The following PHACTR4 variants were observed in gnomAD, a reference collection of about 807,000 sequenced individuals.
The protein encoded by PHACTR4 is phosphatase and actin regulator 4, also known as protein phosphatase 1, regulatory subunit 124.
In PHACTR4, 51 loss-of-function variants were observed where a neutral mutation model predicts 72.7. The ratio of observed to expected loss-of-function variants is 0.70; its 90% CI spans 0.56 to 0.89. PHACTR4 has a LOEUF of 0.89. PHACTR4 is among the 40% of genes least tolerant of loss of function. The pLI, the probability that PHACTR4 is intolerant of heterozygous loss-of-function variation, is 0.00. For synonymous variants in PHACTR4, 255 were observed against 302.5 expected (o/e 0.84, Z 1.63); for missense variants, 731 against 861.8 (o/e 0.85, Z 1.90).
chr1:28,407,385 A>G, intron 1 of PHACTR4, 25 bp from the exon 2 acceptor site: 4 of 1,320,040 alleles, frequency 3.0e-6, no homozygotes, highest in Non-Finnish European at 4.3e-6. Context: ...TATTAAGTGT[A>G]TCATTTACCT....
intron 6 of PHACTR4, among the ~76,000 whole-genome samples, chr1:28,471,247 G>A (rs914913280): frequency 8.5e-5 from 13 of 152,070 alleles, no homozygotes; most frequent in Admixed American, 3.9e-4. Flanking sequence ...TACTCAGGAG[G>A]CTGAGGTAGG....
intron 2 of PHACTR4, among the ~76,000 whole-genome samples, chr1:28,435,532 T>C (rs1656578196): frequency 6.6e-6 from 1 of 152,246 alleles, no homozygotes; most frequent in Non-Finnish European, 1.5e-5. Context: ...CCTAAAGTGC[T>C]GGGATTATAG....
intron 2 of PHACTR4, among the ~76,000 whole-genome samples, chr1:28,423,446 A>G (rs1655639453): frequency 1.3e-5 from 2 of 151,900 alleles, no homozygotes; most frequent in Admixed American, 6.6e-5. Flanking sequence ...TAAATAAATG[A>G]GTAAATAAAT....
At chr1:28,426,307 C>T (rs1340799319) in intron 2 of PHACTR4, among the ~76,000 whole-genome samples, 1 of 151,970 alleles carries the variant, frequency 6.6e-6, no homozygotes, top group Non-Finnish European at 1.5e-5. Context: ...ATTTCTTCAG[C>T]GCATACTACC....
At position 28,493,042 on chromosome 1, in the gene PHACTR4, T is replaced by C; in HGVS notation, c.2044T>C (p.Phe682Leu). 6.2e-7 allele frequency: 1 copy of C among 1,613,524 alleles called. No homozygotes were observed. The highest frequency in any genetic ancestry group is 1.7e-4 in the Middle Eastern group (1 of 6,058). The change falls in exon 13 of 14, where the codon TTT becomes CTT. Residue 682 changes from phenylalanine to leucine, a missense_variant. Transcript: ENST00000373839. ...TGCCATAAGAAAAGAATTAAATGAA[T>C]TTAAAAGCTCCGAGATGGAGGTTCA... ...KAAIRKELNE[F>L]KSSEMEVHEE...
chr1:28,402,083 G>C (rs951606714), intron 1 of PHACTR4, among the ~76,000 whole-genome samples: 7 of 152,100 alleles, frequency 4.6e-5, no homozygotes, highest in African/African-American at 1.7e-4. Flanking sequence ...AATAAGACTT[G>C]GTAATGATTT....
chr1:28,489,846 G>A lies in PHACTR4; in HGVS notation c.1816+621G>A, dbSNP rs780241584. 2.7e-5 allele frequency: 14 copies of A among 518,968 alleles called. 1 individual carries two copies. In the Admixed American group the frequency reaches 2.7e-4, roughly 10 times the overall value. The allele number at this position is 518,968 out of a possible 1,614,324, so 32.1% of individuals were successfully genotyped here. A position where few individuals can be genotyped will look rare whatever the true frequency, so the allele number is the denominator to read the frequency against. Reference sequence around the variant, plus strand: ...TGGGCTTCCTTGGGGCTATTTGTGAGCATGTTCAGTCTGACCAATCCATCC... The same window carrying A: ...TGGGCTTCCTTGGGGCTATTTGTGAACATGTTCAGTCTGACCAATCCATCC... On this transcript the variant is annotated intron_variant, in intron 10 of 13. Transcript: ENST00000373839.
chr1:28,495,442 A>T (rs1421211831), intron 13 of PHACTR4, among the ~76,000 whole-genome samples: 1 of 152,008 alleles, frequency 6.6e-6, no homozygotes, highest in Non-Finnish European at 1.5e-5. Context: ...GCAGACAATG[A>T]ACAAGCTAGA....
Position 28,489,291 on chromosome 1 carries a change from T to C in PHACTR4, c.1816+66T>C. 5 of 1,386,850 alleles carry C rather than the reference T, an allele frequency of 3.6e-6. 1 individual carries two copies. The South Asian group carries it at 5.0e-5, about 14-fold the overall frequency. 85.9% of individuals were successfully genotyped at this position (1,386,850 alleles called of 1,614,324 possible). A position where few individuals can be genotyped will look rare whatever the true frequency, so the allele number is the denominator to read the frequency against. ...TGTATGTTTCTGACTTTAATATACA[T>C]AAAAGAAAAAAGAAGCGTTTGCTAC... is the stretch of plus-strand genomic sequence containing the variant. On this transcript the variant is annotated intron_variant, in intron 10 of 13. Transcript: ENST00000373839.
At chr1:28,488,422 G>T (rs187619231) in intron 9 of PHACTR4, among the ~76,000 whole-genome samples, 7 of 152,184 alleles carry the variant, frequency 4.6e-5, no homozygotes, top group Non-Finnish European at 1.5e-5. Context: ...TCATGAACCC[G>T]GGAGGCGGAG....
intron 2 of PHACTR4, among the ~76,000 whole-genome samples, chr1:28,409,875 T>TTA (rs1557794811): frequency 6.6e-5 from 10 of 151,884 alleles, no homozygotes; most frequent in African/African-American, 2.4e-4. Flanking sequence ...TTATGCCTAG[T>TTA]TCATCAATTA....
intron 2 of PHACTR4, among the ~76,000 whole-genome samples, chr1:28,443,774 A>G (rs187021187): frequency 1.3e-5 from 2 of 152,168 alleles, no homozygotes; most frequent in Admixed American, 1.3e-4. Context: ...TTATGGCTAA[A>G]TAGTATTCCA....
At chr1:28,444,126 A>C (rs1452604361) in intron 2 of PHACTR4, among the ~76,000 whole-genome samples, 1 of 150,960 alleles carries the variant, frequency 6.6e-6, no homozygotes, top group East Asian at 1.9e-4. Flanking sequence ...ATAGCCTCCT[A>C]ACTGGGGTGA....
intron 1 of PHACTR4, among the ~76,000 whole-genome samples, chr1:28,384,186 TAGGA>T (rs1358205459): frequency 1.3e-5 from 2 of 152,206 alleles, no homozygotes; most frequent in African/African-American, 2.4e-5. Flanking sequence ...TAGAATGAGT[TAGGA>T]AGGAGTCCCT....
rs1659717324 is a variant in PHACTR4, at chr1:28,473,588, G to A, written c.858G>A (p.Leu286=). The A allele has an allele frequency of 2.5e-6, 4 of 1,613,078 alleles. No homozygotes were observed. In the Admixed American group the frequency reaches 5.0e-5, roughly 20 times the overall value. ...CCCAAGCAATAAACAGTGGTACATT[G>A]TTATCAAAACCGTCCCCACCCTTAC... is the stretch of plus-strand genomic sequence containing the variant. The part of the protein sequence containing the change: ...ELSQAINSGT[L]LSKPSPPLPP... Residue 286 remains leucine, a synonymous_variant, in exon 7 of 14, where the codon TTG becomes TTA. Coordinates refer to ENST00000373839, the MANE Select transcript of PHACTR4 (RefSeq NM_001048183.3).
chr1:28,442,188 T>C (rs1033798743), intron 2 of PHACTR4, among the ~76,000 whole-genome samples: 2 of 151,846 alleles, frequency 1.3e-5, no homozygotes, highest in Non-Finnish European at 2.9e-5. Flanking sequence ...TTTTTTTGGC[T>C]GGGCGCAGTG....
intron 2 of PHACTR4, among the ~76,000 whole-genome samples, chr1:28,412,764 C>T (rs1654867325): frequency 6.6e-6 from 1 of 152,198 alleles, no homozygotes; most frequent in South Asian, 2.1e-4. Context: ...GCAGATTATA[C>T]TTGCTTCATT....
intron 6 of PHACTR4, among the ~76,000 whole-genome samples, chr1:28,472,207 C>CAA (rs1346388139): frequency 0.12 from 13,853 of 117,552 alleles, 1,577 homozygotes; most frequent in African/African-American, 0.31. Flanking sequence ...GACTCCGTCT[C>CAA]AAAAAAAAAA....
intron 2 of PHACTR4, among the ~76,000 whole-genome samples, chr1:28,417,719 A>G (rs1267992688): frequency 1.3e-5 from 2 of 152,202 alleles, no homozygotes; most frequent in Non-Finnish European, 2.9e-5. Context: ...AGAAAGTGAA[A>G]CCACAGATAA....
Sources: gnomAD v4.1 joint callset for allele counts (sites outside exome capture counted in the v4.1 genomes callset) on GRCh38, gnomAD v4.1.1 for gene constraint, MANE v1.5 for transcripts, NCBI Gene and HGNC (gene_info 2026-07-23, HGNC 2026-07-21) for gene names.